RGS7: variants seen among roughly 807,000 people sequenced by gnomAD.
RGS7 encodes regulator of G protein signaling 7.
In RGS7, 27 loss-of-function variants were observed where a neutral mutation model predicts 81.1. That is an observed-to-expected ratio of 0.33 (90% CI 0.25 to 0.46). RGS7 has a LOEUF of 0.46. Among genes scored for constraint, RGS7 ranks in the 20% least tolerant of loss-of-function variants. The pLI is 1.00. For missense variants in RGS7, 396 were observed against 607.4 expected (o/e 0.65, Z 3.66); for synonymous variants, 208 against 207.7 (o/e 1.00, Z -0.01).
chr1:240,824,488 C>T (rs1358427384), intron 10 of RGS7, among the ~76,000 whole-genome samples: 1 of 152,222 alleles, frequency 6.6e-6, no homozygotes, highest in Non-Finnish European at 1.5e-5. Flanking sequence ...GGGTGGCTTC[C>T]AGGGGCAACT....
intron 4 of RGS7, among the ~76,000 whole-genome samples, chr1:240,970,236 C>A (rs1243624637): frequency 6.6e-6 from 1 of 152,156 alleles, no homozygotes; most frequent in Admixed American, 6.5e-5. Flanking sequence ...CCTGAAAAAG[C>A]CTTTATCAAC....
At chr1:241,012,502 C>T (rs1171228985) in intron 3 of RGS7, among the ~76,000 whole-genome samples, 1 of 152,168 alleles carries the variant, frequency 6.6e-6, no homozygotes, top group Non-Finnish European at 1.5e-5. Context: ...GATTAAACCA[C>T]ATTTCCAAAA....
At chr1:241,207,788 A>G (rs1573134576) in intron 2 of RGS7, among the ~76,000 whole-genome samples, 1 of 152,176 alleles carries the variant, frequency 6.6e-6, no homozygotes, top group Admixed American at 6.5e-5. Context: ...TTCGAATGAA[A>G]CATCCACTAA....
At chr1:240,911,708 G>A (rs1356181218) in intron 6 of RGS7, among the ~76,000 whole-genome samples, 1 of 152,172 alleles carries the variant, frequency 6.6e-6, no homozygotes, top group African/African-American at 2.4e-5. Context: ...TTTAAGGCAA[G>A]TCTGATGGTG....
At chr1:240,965,005 G>C (rs1682058217) in intron 4 of RGS7, among the ~76,000 whole-genome samples, 1 of 152,148 alleles carries the variant, frequency 6.6e-6, no homozygotes. Context: ...TATCAGATAC[G>C]TTGATGGTGA....
chr1:241,203,557 C>G (rs1209854401), intron 2 of RGS7, among the ~76,000 whole-genome samples: 2 of 152,040 alleles, frequency 1.3e-5, no homozygotes, highest in African/African-American at 4.8e-5. Context: ...CAAGATAGAT[C>G]CTCTGGTTTT....
At chr1:241,059,320 C>T (rs987004255) in intron 3 of RGS7, among the ~76,000 whole-genome samples, 1 of 152,178 alleles carries the variant, frequency 6.6e-6, no homozygotes, top group African/African-American at 2.4e-5. Flanking sequence ...TTCTGTTGAG[C>T]TTCAGACTTG....
At chr1:241,325,932 T>TC (rs1353737335) in intron 2 of RGS7, among the ~76,000 whole-genome samples, 3 of 152,290 alleles carry the variant, frequency 2.0e-5, no homozygotes, top group Admixed American at 2.0e-4. Flanking sequence ...TTCTTTTTTT[T>TC]CACTATGCTC....
intron 9 of RGS7, among the ~76,000 whole-genome samples, chr1:240,861,613 A>G (rs999381237): frequency 3.3e-5 from 5 of 152,180 alleles, no homozygotes; most frequent in African/African-American, 1.2e-4. Flanking sequence ...GTCATACAGA[A>G]CCCAATGTGT....
At chr1:241,326,750 C>G (rs2081520128) in intron 2 of RGS7, among the ~76,000 whole-genome samples, 1 of 150,198 alleles carries the variant, frequency 6.7e-6, no homozygotes, top group South Asian at 2.1e-4. Context: ...TCAAGGCCAG[C>G]CTGGGCAACA....
chr1:241,301,464 T>C (rs2079753484), intron 2 of RGS7, among the ~76,000 whole-genome samples: 1 of 152,222 alleles, frequency 6.6e-6, no homozygotes, highest in Non-Finnish European at 1.5e-5. Flanking sequence ...TCACAGCATG[T>C]TACCCTGAAT....
intron 9 of RGS7, among the ~76,000 whole-genome samples, chr1:240,834,702 G>A (rs1558325726): frequency 1.3e-5 from 2 of 151,958 alleles, no homozygotes; most frequent in South Asian, 4.2e-4. Context: ...TAGTAGAGAC[G>A]GGGTTTCACC....
chr1:240,982,727 G>A lies in RGS7; in HGVS notation c.226+352C>T, dbSNP rs7530713. Among the ~76,000 whole-genome samples the A allele has an allele frequency of 3.4e-3, 523 of 152,262 alleles. 3 individuals carry two copies. The highest frequency in any genetic ancestry group is 0.012 in the African/African-American group (503 of 41,554). On this transcript the variant is annotated intron_variant, in intron 4 of 18. Transcript: ENST00000440928. ...AGGCAAAATTATAAGTTAATGAGAT[G>A]TATGTGTCTTATAGAAGGAAAGTTC...
At chr1:240,789,646 G>C (rs1685649647) in intron 18 of RGS7, among the ~76,000 whole-genome samples, 1 of 152,174 alleles carries the variant, frequency 6.6e-6, no homozygotes, top group African/African-American at 2.4e-5. Flanking sequence ...AGCGCTCCCA[G>C]GCTTATTAGG....
intron 2 of RGS7, among the ~76,000 whole-genome samples, chr1:241,191,049 T>G (rs2072611707): frequency 6.6e-6 from 1 of 152,098 alleles, no homozygotes; most frequent in Middle Eastern, 3.2e-3. Context: ...TGGTGCGATC[T>G]TGGCTCACTG....
chr1:240,837,611 A>C (rs557650973), intron 9 of RGS7, among the ~76,000 whole-genome samples: 1 of 152,174 alleles, frequency 6.6e-6, no homozygotes, highest in African/African-American at 2.4e-5. Context: ...TTTTACTTTA[A>C]CACTTAACAT....
chr1:241,117,351 G>C (rs2065946878), intron 2 of RGS7, among the ~76,000 whole-genome samples: 1 of 151,950 alleles, frequency 6.6e-6, no homozygotes, highest in African/African-American at 2.4e-5. Context: ...TTTAAACTAT[G>C]CAGAACCTAC....
At chr1:240,919,108 G>C (rs6663382) in intron 6 of RGS7, among the ~76,000 whole-genome samples, 1,790 of 152,130 alleles carry the variant, frequency 0.012, 20 homozygotes, top group Non-Finnish European at 0.018. Flanking sequence ...TACCAAAACA[G>C]AAAGCCACCA....
intron 2 of RGS7, among the ~76,000 whole-genome samples, chr1:241,214,490 G>T (rs2147944947): frequency 6.6e-6 from 1 of 151,954 alleles, no homozygotes; most frequent in East Asian, 1.9e-4. Context: ...ATCTGCTTAA[G>T]GTGTGGTTTT....
Sources: gnomAD v4.1 joint callset for allele counts (sites outside exome capture counted in the v4.1 genomes callset) on GRCh38, gnomAD v4.1.1 for gene constraint, MANE v1.5 for transcripts, NCBI Gene and HGNC (gene_info 2026-07-23, HGNC 2026-07-21) for gene names.